Variants in TBCK observed in about 807,000 individuals in gnomAD.
TBCK encodes TBC1 domain containing kinase.
TBCK carries 99 observed loss-of-function variants against 113.4 expected under a neutral mutation model. That is an observed-to-expected ratio of 0.87 (90% CI 0.74 to 1.03). The LOEUF is 1.03. Ranked by LOEUF, TBCK falls within the 50% of genes least tolerant of loss-of-function variation. The pLI is 0.00. For synonymous variants in TBCK, 369 were observed against 370.8 expected (o/e 1.00, Z 0.05); for missense variants, 1,045 against 1,061.3 (o/e 0.98, Z 0.21).
chr4:106,112,215 A>C (rs1403245816), intron 24 of TBCK, among the ~76,000 whole-genome samples: 12 of 152,164 alleles, frequency 7.9e-5, no homozygotes, highest in Admixed American at 7.2e-4. Context: ...TTGCTAGGTT[A>C]TGACCCTGAT....
At chr4:106,173,323 C>G (rs1466252134) in intron 22 of TBCK, among the ~76,000 whole-genome samples, 1 of 152,104 alleles carries the variant, frequency 6.6e-6, no homozygotes, top group Non-Finnish European at 1.5e-5. Context: ...AAAGAGATAG[C>G]ACAATTCATT....
intron 23 of TBCK, among the ~76,000 whole-genome samples, chr4:106,121,553 T>C (rs866095546): frequency 1.8e-3 from 272 of 151,178 alleles, no homozygotes; most frequent in African/African-American, 6.1e-3. Flanking sequence ...CTCTCCACCC[T>C]AAATCAACAG....
At chr4:106,250,611 T>C (rs1761322802) in intron 6 of TBCK, 133 bp from the exon 7 acceptor site, 1 of 546,572 alleles carries the variant, frequency 1.8e-6, no homozygotes, top group Non-Finnish European at 3.3e-6. Flanking sequence ...AATGGATTTT[T>C]AAAGTCAGCT....
At chr4:106,124,372 G>C (rs1450300012) in intron 23 of TBCK, among the ~76,000 whole-genome samples, 1 of 152,202 alleles carries the variant, frequency 6.6e-6, no homozygotes, top group Non-Finnish European at 1.5e-5. Flanking sequence ...AGAGGATGTG[G>C]AGAAATAGGG....
At chr4:106,165,102 A>T (rs1322984264) in intron 23 of TBCK, among the ~76,000 whole-genome samples, 1 of 151,784 alleles carries the variant, frequency 6.6e-6, no homozygotes, top group Non-Finnish European at 1.5e-5. Context: ...CCAGTCATAA[A>T]TATGTGATTA....
intron 11 of TBCK, among the ~76,000 whole-genome samples, chr4:106,243,138 C>T (rs1217969437): frequency 6.6e-6 from 1 of 151,844 alleles, no homozygotes; most frequent in African/African-American, 2.4e-5. Flanking sequence ...GCATATAAAA[C>T]AATGTATTGA....
At chr4:106,168,146 A>G (rs1750605459) in intron 23 of TBCK, among the ~76,000 whole-genome samples, 1 of 151,974 alleles carries the variant, frequency 6.6e-6, no homozygotes, top group Admixed American at 6.6e-5. Flanking sequence ...ATTATATACC[A>G]TGAACAAGTA....
chr4:106,244,248 C>T lies in TBCK; in HGVS notation c.1070+378G>A, dbSNP rs185594849. Among the ~76,000 whole-genome samples, 258 of 152,170 alleles carry T rather than the reference C, an allele frequency of 1.7e-3. 2 individuals are homozygous for T. The highest frequency in any genetic ancestry group is 5.9e-3 in the African/African-American group (244 of 41,514). Reference sequence around the variant, plus strand: ...TTTACAAGTATATTTGGAAAAAGAACATAGTTCTTCATAGTAGGAACATTA... The same window carrying T: ...TTTACAAGTATATTTGGAAAAAGAATATAGTTCTTCATAGTAGGAACATTA... On this transcript the variant is annotated intron_variant, in intron 11 of 25. Coordinates refer to ENST00000394708, the MANE Select transcript of TBCK (RefSeq NM_001163435.3).
In TBCK at chr4:106,140,770, T is replaced by C. The variant is rs540413574; in HGVS notation, c.2236-24392A>G. On this transcript the variant is annotated intron_variant, in intron 23 of 25. Coordinates refer to ENST00000394708, the MANE Select transcript of TBCK (RefSeq NM_001163435.3). ...ATCACAGGATTGCTCATTCTATGAATTTCTGTAATATCTCCACCCAGTGGT... is the reference window on the plus strand; with the variant it reads ...ATCACAGGATTGCTCATTCTATGAACTTCTGTAATATCTCCACCCAGTGGT... Among the ~76,000 whole-genome samples, 6 of 139,956 alleles carry C rather than the reference T, an allele frequency of 4.3e-5. No homozygotes were observed. In the South Asian group the frequency reaches 1.5e-3, roughly 35 times the overall value. 91.8% of individuals were successfully genotyped at this position (139,956 alleles called of 152,430 possible). A position where few individuals can be genotyped will look rare whatever the true frequency, so the allele number is the denominator to read the frequency against.
chr4:106,236,837 T>C (rs1759525893), intron 12 of TBCK, 29 bp from the exon 13 acceptor site: 2 of 1,344,716 alleles, frequency 1.5e-6, no homozygotes, highest in South Asian at 3.1e-5. Context: ...AATATTTATG[T>C]ATAAACATAT....
intron 23 of TBCK, 89 bp from the exon 24 acceptor site, chr4:106,116,467 A>C (rs1403927240): frequency 2.4e-5 from 25 of 1,046,794 alleles, no homozygotes; most frequent in Non-Finnish European, 3.2e-5. Flanking sequence ...ATACCAAACA[A>C]TACAGCATAT....
At chr4:106,205,198 C>G (rs1755332260) in intron 20 of TBCK, among the ~76,000 whole-genome samples, 1 of 152,158 alleles carries the variant, frequency 6.6e-6, no homozygotes, top group South Asian at 2.1e-4. Flanking sequence ...AATACTTAAT[C>G]ACTTTTTGGA....
intron 24 of TBCK, among the ~76,000 whole-genome samples, chr4:106,100,206 C>T (rs1741389467): frequency 6.6e-6 from 1 of 152,118 alleles, no homozygotes; most frequent in African/African-American, 2.4e-5. Flanking sequence ...CTGATAGGAA[C>T]AATGTGTATT....
chr4:106,236,851 G>A (rs777211663), intron 12 of TBCK, 43 bp from the exon 13 acceptor site: 2 of 1,143,084 alleles, frequency 1.7e-6, no homozygotes, highest in South Asian at 1.8e-5. Flanking sequence ...AACATATTGG[G>A]CAGAAACCCT....
chr4:106,132,697 G>A (rs895610014), intron 23 of TBCK, among the ~76,000 whole-genome samples: 1 of 152,210 alleles, frequency 6.6e-6, no homozygotes, highest in African/African-American at 2.4e-5. Context: ...GCTGGGAGTG[G>A]GGCTGTACCC....
At chr4:106,134,339 G>C (rs1288620445) in intron 23 of TBCK, among the ~76,000 whole-genome samples, 1 of 152,056 alleles carries the variant, frequency 6.6e-6, no homozygotes, top group Non-Finnish European at 1.5e-5. Flanking sequence ...CAGAGAAGGT[G>C]CTAAAAGGTT....
chr4:106,149,724 T>C (rs1748260695), intron 23 of TBCK, among the ~76,000 whole-genome samples: 1 of 152,158 alleles, frequency 6.6e-6, no homozygotes, highest in Admixed American at 6.5e-5. Flanking sequence ...TACCAAAGTA[T>C]GACACAAAGA....
intron 19 of TBCK, among the ~76,000 whole-genome samples, chr4:106,215,586 C>G (rs183516932): frequency 9.5e-4 from 144 of 152,232 alleles, no homozygotes; most frequent in African/African-American, 3.3e-3. Context: ...ATAAAACAGA[C>G]TTTAAACCAG....
rs185826519 is a variant in TBCK at position 106,127,740 on chromosome 4, T to C, written c.2236-11362A>G. ...AAACCTCAATAGGCCTTTTTAAATA[T>C]AGCTAAAATTTTAAAGTTTTCAAAT... On this transcript the variant is annotated intron_variant, in intron 23 of 25. Coordinates refer to ENST00000394708, the MANE Select transcript of TBCK (RefSeq NM_001163435.3). Among the ~76,000 whole-genome samples, 236 of 152,252 alleles carry C rather than the reference T, an allele frequency of 1.6e-3. 7 individuals carry two copies. The highest frequency in any genetic ancestry group is 0.015 in the Admixed American group (227 of 15,280).
Sources: gnomAD v4.1 joint callset for allele counts (sites outside exome capture counted in the v4.1 genomes callset) on GRCh38, gnomAD v4.1.1 for gene constraint, MANE v1.5 for transcripts, NCBI Gene and HGNC (gene_info 2026-07-23, HGNC 2026-07-21) for gene names.